NYAP2: variants seen among roughly 807,000 people sequenced by gnomAD.
The protein encoded by NYAP2 is neuronal tyrosine-phosphorylated phosphoinositide-3-kinase adaptor 2.
A neutral mutation model predicts 50.4 loss-of-function variants in NYAP2; 23 were observed. The ratio of observed to expected loss-of-function variants is 0.46; its 90% confidence interval spans 0.33 to 0.65. The LOEUF (loss-of-function observed/expected upper bound fraction) is 0.65. NYAP2 is among the 30% of genes least tolerant of loss of function. The pLI, the probability that NYAP2 is intolerant of heterozygous loss-of-function variation, is 0.02. For synonymous variants in NYAP2, 394 were observed against 365.2 expected, an observed-to-expected ratio of 1.08 and a Z score of -0.90; for missense variants, 885 against 861.0, an observed-to-expected ratio of 1.03 and a Z score of -0.35.
chr2:225,405,580 A>G (rs985375790), intron 2 of NYAP2, among the ~76,000 whole-genome samples: 2 of 152,022 alleles, frequency 1.3e-5, no homozygotes, highest in South Asian at 2.1e-4. Flanking sequence ...GTGGGTTCTC[A>G]CTGCTTTGAA....
intron 2 of NYAP2, among the ~76,000 whole-genome samples, chr2:225,404,487 TATA>T (rs555397573): frequency 1.2e-3 from 186 of 152,110 alleles, no homozygotes; most frequent in African/African-American, 4.4e-3. Context: ...ATTGGAAAAG[TATA>T]ATGATGGCCT....
intron 4 of NYAP2, among the ~76,000 whole-genome samples, chr2:225,529,569 C>G (rs1347730590): frequency 6.6e-6 from 1 of 152,164 alleles, no homozygotes; most frequent in Non-Finnish European, 1.5e-5. Context: ...AAGTGATCTA[C>G]CCGCCTCGGC....
chr2:225,567,212 A>G (rs1691977750), intron 4 of NYAP2, among the ~76,000 whole-genome samples: 1 of 152,168 alleles, frequency 6.6e-6, no homozygotes, highest in South Asian at 2.1e-4. Flanking sequence ...GAGAAGGTAG[A>G]GTAAAAATAT....
chr2:225,540,471 C>T (rs1191657845), intron 4 of NYAP2, among the ~76,000 whole-genome samples: 1 of 152,170 alleles, frequency 6.6e-6, no homozygotes, highest in Non-Finnish European at 1.5e-5. Context: ...GAATACTCCC[C>T]CTTATAATAA....
chr2:225,574,793 G>A (rs1692143110), intron 4 of NYAP2, among the ~76,000 whole-genome samples: 1 of 152,122 alleles, frequency 6.6e-6, no homozygotes, highest in African/African-American at 2.4e-5. Context: ...TAGAGCCCCA[G>A]GTTCAGTACC....
intron 6 of NYAP2, among the ~76,000 whole-genome samples, chr2:225,643,155 G>C (rs1452080715): frequency 2.0e-5 from 3 of 151,962 alleles, no homozygotes; most frequent in African/African-American, 7.2e-5. Context: ...CTTGGAATTT[G>C]CTTCTTGTTA....
At chr2:225,649,447 G>C (rs1441136847) in intron 6 of NYAP2, among the ~76,000 whole-genome samples, 1 of 152,126 alleles carries the variant, frequency 6.6e-6, no homozygotes, top group African/African-American at 2.4e-5. Flanking sequence ...CTGCTCCCCA[G>C]AACACAGTGG....
chr2:225,698,360 A>C, the NYAP2 span: 1 of 152,234 alleles, frequency 6.6e-6, no homozygotes, highest in Non-Finnish European at 1.5e-5. Context: ...ACAATGCTTG[A>C]GATGATTGAG....
Position 225,483,195 on chromosome 2 carries a change from G to A in NYAP2, c.222-30176G>A, listed in dbSNP as rs116324214. ...TTTAAGAAGGTAGATCTTGAGTTAA[G>A]TGTTCCTTTCACAAAATAATAATAA... On this transcript the variant is annotated intron_variant, in intron 3 of 6. Coordinates refer to ENST00000636099, the Ensembl canonical transcript of NYAP2. 2.4e-3 allele frequency among the ~76,000 whole-genome samples: 359 copies of A among 152,228 alleles called. 3 individuals carry two copies. Among genetic ancestry groups the A allele is most frequent in the African/African-American group, 8.2e-3 (339 of 41,532 alleles).
At chr2:225,694,395 T>C in the NYAP2 span, among the ~76,000 whole-genome samples, 3 of 151,826 alleles carry the variant, frequency 2.0e-5, no homozygotes, top group Non-Finnish European at 2.9e-5. Flanking sequence ...ATTTTTAACA[T>C]ACTTCACATA....
intron 5 of NYAP2, among the ~76,000 whole-genome samples, chr2:225,596,285 C>T (rs1692595414): frequency 6.6e-6 from 1 of 152,168 alleles, no homozygotes; most frequent in Admixed American, 6.5e-5. Flanking sequence ...GGGAACTCTG[C>T]TCCTTCATTT....
At chr2:225,614,967 G>A (rs1263982923) in intron 5 of NYAP2, among the ~76,000 whole-genome samples, 1 of 152,108 alleles carries the variant, frequency 6.6e-6, no homozygotes, top group Non-Finnish European at 1.5e-5. Flanking sequence ...ACTCTTCCAG[G>A]TTATCGGGAA....
chr2:225,642,428 T>C (rs1693548915), intron 6 of NYAP2, among the ~76,000 whole-genome samples: 1 of 152,202 alleles, frequency 6.6e-6, no homozygotes, highest in South Asian at 2.1e-4. Flanking sequence ...AGAAATCCTG[T>C]GAACTAGGTA....
intron 5 of NYAP2, among the ~76,000 whole-genome samples, chr2:225,592,575 C>T (rs1000639727): frequency 1.3e-5 from 2 of 151,910 alleles, no homozygotes; most frequent in Admixed American, 6.6e-5. Flanking sequence ...GATTTTTTTT[C>T]AGGATGAGGT....
At chr2:225,576,157 T>C (rs1212804593) in intron 4 of NYAP2, among the ~76,000 whole-genome samples, 1 of 152,216 alleles carries the variant, frequency 6.6e-6, no homozygotes, top group Non-Finnish European at 1.5e-5. Context: ...TAGAATTATG[T>C]CTTCTAGTTT....
intron 6 of NYAP2, among the ~76,000 whole-genome samples, chr2:225,635,060 C>A (rs866380262): frequency 1.3e-5 from 2 of 152,292 alleles, no homozygotes; most frequent in Non-Finnish European, 1.5e-5. Flanking sequence ...AAATGACTGG[C>A]TAACTTTGCT....
At chr2:225,595,470 T>C (rs1377076201) in intron 5 of NYAP2, among the ~76,000 whole-genome samples, 1 of 152,252 alleles carries the variant, frequency 6.6e-6, no homozygotes, top group Non-Finnish European at 1.5e-5. Flanking sequence ...ATTGTGTCTA[T>C]ATCTACAAAC....
At chr2:225,579,186 C>T (rs960749294) in intron 4 of NYAP2, among the ~76,000 whole-genome samples, 1 of 151,702 alleles carries the variant, frequency 6.6e-6, no homozygotes, top group African/African-American at 2.4e-5. Context: ...CTCATCCAAG[C>T]CTAATTATCT....
chr2:225,536,126 CT>C (rs1162628250), intron 4 of NYAP2, among the ~76,000 whole-genome samples: 1 of 152,160 alleles, frequency 6.6e-6, no homozygotes, highest in Non-Finnish European at 1.5e-5. Flanking sequence ...TGTATTTCAC[CT>C]TCATATTTCT....
Sources: gnomAD v4.1 joint callset for allele counts (sites outside exome capture counted in the v4.1 genomes callset) on GRCh38, gnomAD v4.1.1 for gene constraint, MANE v1.5 for transcripts, NCBI Gene and HGNC (gene_info 2026-07-23, HGNC 2026-07-21) for gene names.